TSHR: variants seen among roughly 807,000 people sequenced by gnomAD.
The protein encoded by TSHR is thyroid stimulating hormone receptor.
In TSHR, 51 loss-of-function variants were observed where a neutral mutation model predicts 64.1. The ratio of observed to expected loss-of-function variants is 0.80; its 90% CI spans 0.64 to 1.01. The LOEUF is 1.01. Ranked by LOEUF, TSHR falls within the 50% of genes least tolerant of loss-of-function variation. The pLI is 0.00. For missense variants in TSHR, 877 were observed against 942.8 expected (o/e 0.93, Z 0.91); for synonymous variants, 361 against 361.9 (o/e 1.00, Z 0.03).
chr14:81,139,980 G>T, intron 9 of TSHR, 113 bp downstream of exon 9: 1 of 1,375,038 alleles, frequency 7.3e-7, no homozygotes, highest in Non-Finnish European at 1.0e-6. Flanking sequence ...AGAGGAAATT[G>T]GAAGCATCCA....
intron 1 of TSHR, among the ~76,000 whole-genome samples, chr14:81,019,992 G>A (rs1300338557): frequency 6.6e-6 from 1 of 152,112 alleles, no homozygotes; most frequent in Non-Finnish European, 1.5e-5. Context: ...GGATTGCTGG[G>A]TCAAATGGTA....
intron 1 of TSHR, chr14:81,033,076 T>A: frequency 2.8e-6 from 1 of 361,326 alleles, no homozygotes. Context: ...CATGGCAGAC[T>A]ATGGGCTCAT....
Position 81,143,878 on chromosome 14 carries a change from C to G in TSHR, c.1820C>G (p.Thr607Arg), listed in dbSNP as rs1891818053. The change falls in exon 10 of 10, where the codon ACA (threonine) becomes AGA (arginine). Residue 607 changes from threonine (T) to arginine (R), a missense_variant. Thr to Arg is a moderately conservative substitution (Grantham distance 71). Coordinates refer to ENST00000298171, the MANE Select transcript of TSHR (RefSeq NM_000369.5). ...VCCCYVKIYI[T>R]VRNPQYNPGD... ...TGCTGTTATGTGAAGATCTACATCA[C>G]AGTCCGAAATCCGCAGTACAACCCA... 1 of 1,614,162 alleles carries G rather than the reference C, an allele frequency of 6.2e-7. No homozygotes were observed. The highest frequency in any genetic ancestry group is 8.5e-7 in the Non-Finnish European group (1 of 1,180,036).
chr14:81,042,606 T>A (rs1884975902), intron 1 of TSHR, among the ~76,000 whole-genome samples: 1 of 151,788 alleles, frequency 6.6e-6, no homozygotes, highest in African/African-American at 2.4e-5. Flanking sequence ...AGAAGTAGAG[T>A]GTAGGGAAGT....
chr14:81,053,388 TCCCATGA>T (rs1401092989), intron 1 of TSHR: 2 of 152,228 alleles, frequency 1.3e-5, no homozygotes, highest in Non-Finnish European at 2.9e-5. Context: ...TATCTTCATA[TCCCATGA>T]CCCAATCAAG....
At chr14:81,051,728 A>G (rs185324203) in intron 1 of TSHR, 1 of 152,272 alleles carries the variant, frequency 6.6e-6, no homozygotes, top group Admixed American at 6.5e-5. Flanking sequence ...GATGACAGCC[A>G]TACTTACAGG....
chr14:81,086,277 T>A (rs112576623), intron 3 of TSHR, among the ~76,000 whole-genome samples: 5,004 of 152,288 alleles, frequency 0.033, 244 homozygotes, highest in African/African-American at 0.1. Flanking sequence ...TAAGGGTATA[T>A]TATTATAGAC....
intron 3 of TSHR, among the ~76,000 whole-genome samples, chr14:81,076,484 A>C (rs1174649481): frequency 6.6e-6 from 1 of 152,110 alleles, no homozygotes; most frequent in African/African-American, 2.4e-5. Context: ...GACATCTTAC[A>C]CATATCTCAC....
At chr14:81,015,782 C>G (rs1371187610) in intron 1 of TSHR, among the ~76,000 whole-genome samples, 1 of 152,054 alleles carries the variant, frequency 6.6e-6, no homozygotes, top group Non-Finnish European at 1.5e-5. Context: ...CCCAACCCCT[C>G]ATCCCCCCAC....
At position 81,143,091 on chromosome 14, in the gene TSHR, G is replaced by C. The variant is rs376188008; in HGVS notation, c.1033G>C (p.Asp345His). The C allele has an allele frequency of 6.2e-7, 1 of 1,614,136 alleles. No individual in the cohort carries two copies. The highest frequency in any genetic ancestry group is 8.5e-7 in the Non-Finnish European group (1 of 1,180,028). The change falls in exon 10 of 10, where the codon GAT becomes CAT. Residue 345 changes from aspartate (D) to histidine (H), a missense_variant. Asp to His is a moderately conservative substitution (Grantham distance 81, BLOSUM62 -1). Coordinates refer to ENST00000298171, the MANE Select transcript of TSHR (RefSeq NM_000369.5). ...GTACAAGGAAAAGTCCAAGTTCCAG[G>C]ATACTCATAACAACGCTCATTATTA... is the stretch of plus-strand genomic sequence containing the variant. Reference protein sequence around the residue: ...VGYKEKSKFQDTHNNAHYYVF... With the variant: ...VGYKEKSKFQHTHNNAHYYVF...
intron 1 of TSHR, among the ~76,000 whole-genome samples, chr14:80,956,580 T>C (rs1040545162): frequency 6.6e-6 from 1 of 152,154 alleles, no homozygotes; most frequent in Admixed American, 6.5e-5. Flanking sequence ...ATCATTGAAA[T>C]TGTAGACAAA....
intron 1 of TSHR, among the ~76,000 whole-genome samples, chr14:81,000,593 T>C (rs1473658244): frequency 6.6e-6 from 1 of 151,588 alleles, no homozygotes; most frequent in Non-Finnish European, 1.5e-5. Context: ...TCAGTCTTCA[T>C]GGGTCGCAGT....
intron 7 of TSHR, 152 bp downstream of exon 7, chr14:81,096,859 C>A: frequency 1.2e-6 from 1 of 854,734 alleles, no homozygotes; most frequent in Non-Finnish European, 1.9e-6. Flanking sequence ...AGGAACTTGG[C>A]AGGGGCCCAC....
chr14:80,978,623 G>A (rs2215981), intron 1 of TSHR, among the ~76,000 whole-genome samples: 51,482 of 152,074 alleles, frequency 0.34, 9,529 homozygotes, highest in Non-Finnish European at 0.41. Context: ...GGCTTCCCGG[G>A]AAGAGTAGAG....
intron 1 of TSHR, 57 bp downstream of exon 1, chr14:80,955,907 T>C: frequency 6.2e-7 from 1 of 1,610,310 alleles, no homozygotes; most frequent in Non-Finnish European, 8.5e-7. Context: ...TCTGCAGAGG[T>C]GGCCCGAAGT....
rs543740422 is a variant in TSHR, at chr14:81,103,774, A to G, written c.615-4601A>G. ...TTCTTTTCCATCCTCTTTCCACGCAATCTGCGTGGGGATATGTTGCTTCTC... is the reference window on the plus strand; with the variant it reads ...TTCTTTTCCATCCTCTTTCCACGCAGTCTGCGTGGGGATATGTTGCTTCTC... On this transcript the variant is annotated intron_variant, in intron 7 of 9. Coordinates refer to ENST00000298171, the MANE Select transcript of TSHR (RefSeq NM_000369.5). This position sits in a 1 kb window ranked among gnomAD's most constrained non-coding sequence, Gnocchi z 4.1. 1.3e-5 allele frequency: 13 copies of G among 985,334 alleles called. No homozygotes were observed. The South Asian group carries it at 5.6e-4, about 43-fold the overall frequency. 61.0% of individuals were successfully genotyped at this position (985,334 alleles called of 1,614,324 possible). A position where few individuals can be genotyped will look rare whatever the true frequency, so the allele number is the denominator to read the frequency against.
intron 1 of TSHR, among the ~76,000 whole-genome samples, chr14:81,015,141 A>G (rs118016739): frequency 0.021 from 3,123 of 152,300 alleles, 53 homozygotes; most frequent in Middle Eastern, 0.044. Context: ...TAGAAATTGG[A>G]CTTTGCAAAC....
chr14:81,068,411 A>C, intron 3 of TSHR, 83 bp downstream of exon 3: 1 of 1,321,086 alleles, frequency 7.6e-7, no homozygotes. Context: ...TGGCAATGGG[A>C]GCTGGTTTCT....
chr14:80,979,373 G>A (rs1888054359), intron 1 of TSHR, among the ~76,000 whole-genome samples: 1 of 152,128 alleles, frequency 6.6e-6, no homozygotes, highest in Non-Finnish European at 1.5e-5. Context: ...CAGAGGGTAG[G>A]GGGAGGAAGA....
Sources: gnomAD v4.1 joint callset for allele counts (sites outside exome capture counted in the v4.1 genomes callset) on GRCh38, gnomAD v4.1.1 for gene constraint, Gnocchi (gnomAD v3.1) non-coding constraint, MANE v1.5 for transcripts, NCBI Gene and HGNC (gene_info 2026-07-23, HGNC 2026-07-21) for gene names.